The following UBA52 variants were observed in gnomAD, a reference collection of about 807,000 sequenced individuals.
UBA52 encodes the protein ubiquitin-ribosomal protein eL40 fusion protein.
A neutral mutation model predicts 15.3 loss-of-function variants in UBA52; 1 was observed. The observed-to-expected ratio is 0.07, with a 90% confidence interval of 0.02 to 0.31. The LOEUF (loss-of-function observed/expected upper bound fraction) is 0.31. Ranked by LOEUF, UBA52 falls within the 10% of genes least tolerant of loss-of-function variation. The probability of loss-of-function intolerance (pLI) is 1.00; values close to 1 mark genes in which losing one functional copy is unlikely to be tolerated. For synonymous variants in UBA52, 50 were observed against 58.3 expected (o/e 0.86, Z 0.65); for missense variants, 87 against 168.0 (o/e 0.52, Z 2.66).
At chr19:18,566,573 C>T in the UBA52 span, among the ~76,000 whole-genome samples, 2 of 151,974 alleles carry the variant, frequency 1.3e-5, no homozygotes, top group Admixed American at 1.3e-4. Flanking sequence ...GGCAGATCAC[C>T]TGAGGTCAGA....
rs1975762585 is a variant in UBA52 at position 18,575,886 on chromosome 19, A to G, written c.*736A>G. ...CTCAGCCTCCCGAGTAGCTGGGACT[A>G]CAGGTGCCCGCCACAACTCCTGGCT... On this transcript the variant is annotated 3_prime_UTR_variant, in exon 5 of 5. Coordinates refer to ENST00000442744, the MANE Select transcript of UBA52 (RefSeq NM_001033930.3). The G allele has an allele frequency of 6.6e-6, 1 of 151,890 alleles. No individual in the cohort carries two copies. Among genetic ancestry groups the G allele is most frequent in the Admixed American group, 6.6e-5 (1 of 15,258 alleles). The allele number at this position is 151,890 out of a possible 1,614,324, so 9.4% of individuals were successfully genotyped here.
upstream of UBA52, chr19:18,568,871 C>T (rs536423055): frequency 5.4e-4 from 289 of 538,830 alleles, 1 homozygote; most frequent in African/African-American, 4.4e-3. Context: ...TGCCAGGGCA[C>T]GCCCATTCCA....
Sources: allele counts gnomAD v4.1 joint callset (sites outside exome capture counted in the v4.1 genomes callset), GRCh38; gene constraint gnomAD v4.1.1; transcripts MANE v1.5; gene names NCBI Gene and HGNC (gene_info 2026-07-23, HGNC 2026-07-21).